RGL1: variants seen among roughly 807,000 people sequenced by gnomAD.
The protein encoded by RGL1 is ral guanine nucleotide dissociation stimulator-like 1.
In RGL1, 24 loss-of-function variants were observed where a neutral mutation model predicts 95.2. The observed-to-expected ratio is 0.25, with a 90% confidence interval of 0.18 to 0.35. The LOEUF (loss-of-function observed/expected upper bound fraction) is 0.35. RGL1 is among the 10% of genes least tolerant of loss of function. The pLI, the probability that RGL1 is intolerant of heterozygous loss-of-function variation, is 1.00. For missense variants in RGL1, 715 were observed against 936.3 expected (o/e 0.76, Z 3.08); for synonymous variants, 329 against 344.9 (o/e 0.95, Z 0.51).
At chr1:183,872,246 T>C (rs371475614) in intron 4 of RGL1, among the ~76,000 whole-genome samples, 27 of 152,334 alleles carry the variant, frequency 1.8e-4, no homozygotes, top group African/African-American at 6.5e-4. Flanking sequence ...AGAAGGGATA[T>C]TAACCATATA....
At chr1:183,818,983 A>G (rs1662271719) in intron 2 of RGL1, among the ~76,000 whole-genome samples, 2 of 152,208 alleles carry the variant, frequency 1.3e-5, no homozygotes, top group African/African-American at 4.8e-5. Flanking sequence ...AGTAACCTTT[A>G]TAGATGGGAT....
intron 2 of RGL1, among the ~76,000 whole-genome samples, chr1:183,792,544 A>G (rs1660486955): frequency 6.6e-6 from 1 of 152,152 alleles, no homozygotes; most frequent in South Asian, 2.1e-4. Context: ...CCCTCTTTGC[A>G]GACAACATGA....
intron 1 of RGL1, among the ~76,000 whole-genome samples, chr1:183,733,025 T>A (rs1413138704): frequency 1.3e-5 from 2 of 152,190 alleles, no homozygotes; most frequent in African/African-American, 4.8e-5. Flanking sequence ...ATTCAACAGC[T>A]GCTTCTCCTC....
intron 1 of RGL1, among the ~76,000 whole-genome samples, chr1:183,692,154 G>T (rs1653982512): frequency 6.6e-6 from 1 of 152,032 alleles, no homozygotes; most frequent in Non-Finnish European, 1.5e-5. Context: ...CATATATGGA[G>T]ATATTTCAGA....
Position 183,805,220 on chromosome 1 carries a change from C to G in RGL1, c.-78C>G. ...GGGACCGGGGCGAGGCGCCGCGGGG[C>G]TGAGCCCAGCAGACATTGCGTTGGC... On this transcript the variant is annotated 5_prime_UTR_variant, in exon 1 of 18. Coordinates refer to ENST00000360851, the MANE Select transcript of RGL1 (RefSeq NM_001297671.3). The G allele has an allele frequency of 7.6e-6, 12 of 1,580,544 alleles. No homozygotes were observed. The South Asian group carries it at 1.2e-4, about 15-fold the overall frequency.
At chr1:183,704,060 C>A (rs573553311) in intron 1 of RGL1, among the ~76,000 whole-genome samples, 7 of 152,102 alleles carry the variant, frequency 4.6e-5, no homozygotes, top group African/African-American at 1.7e-4. Flanking sequence ...CCTTTTCTTC[C>A]GAGGATTAAA....
rs1179571598 is a variant in RGL1, at chr1:183,713,421, A to G, written c.-32-28705A>G. ...TAATGACCCTTTTGACTGAAACTTT[A>G]TCTTAAAAATTCCAGGATAAGGGAT... On this transcript the variant is annotated intron_variant, in intron 1 of 18. Coordinates refer to the RGL1 transcript ENST00000304685. 1.6e-4 allele frequency among the ~76,000 whole-genome samples: 18 copies of G among 114,478 alleles called. No individual in the cohort carries two copies. In the Admixed American group the frequency reaches 2.2e-3, roughly 14 times the overall value. The allele number at this position is 114,478 out of a possible 152,430, so 75.1% of individuals were successfully genotyped here. A position where few individuals can be genotyped will look rare whatever the true frequency, so the allele number is the denominator to read the frequency against.
intron 12 of RGL1, among the ~76,000 whole-genome samples, 156 bp downstream of exon 12, chr1:183,902,756 TC>T (rs1442986319): frequency 2.0e-5 from 3 of 152,092 alleles, no homozygotes; most frequent in Non-Finnish European, 4.4e-5. Flanking sequence ...CTATACATTA[TC>T]CCCCACTAGC....
In RGL1 at chr1:183,928,074, T is replaced by C. The variant is rs1044683728; in HGVS notation, c.*1782T>C. 1.3e-5 allele frequency: 2 copies of C among 152,488 alleles called. No individual in the cohort carries two copies. Among genetic ancestry groups the C allele is most frequent in the Non-Finnish European group, 2.9e-5 (2 of 68,010 alleles). The allele number at this position is 152,488 out of a possible 1,614,324, so 9.4% of individuals were successfully genotyped here. On this transcript the variant is annotated 3_prime_UTR_variant, in exon 18 of 18. Coordinates refer to ENST00000360851, the MANE Select transcript of RGL1 (RefSeq NM_001297671.3). The stretch of plus-strand genomic sequence containing the variant: ...TTTCAATCCCTGTTCGATTTGTGCT[T>C]CTGTGCTTGTAGGAGAGATGGCCAG...
chr1:183,639,220 GC>G (rs1249653951), intron 1 of RGL1, among the ~76,000 whole-genome samples: 1 of 150,986 alleles, frequency 6.6e-6, no homozygotes, highest in African/African-American at 2.4e-5. Flanking sequence ...GGCGGAGATG[GC>G]AGTGAGCTGA....
intron 1 of RGL1, among the ~76,000 whole-genome samples, chr1:183,701,531 A>G (rs1046001792): frequency 5.9e-5 from 9 of 152,172 alleles, no homozygotes; most frequent in Admixed American, 2.6e-4. Context: ...TATTAAATGG[A>G]TGGAATTCAA....
intron 2 of RGL1, among the ~76,000 whole-genome samples, chr1:183,795,769 G>A (rs998740414): frequency 1.4e-4 from 22 of 152,188 alleles, no homozygotes; most frequent in Non-Finnish European, 2.6e-4. Flanking sequence ...AATTAAAGTG[G>A]GCAGGAAAAT....
intron 7 of RGL1, among the ~76,000 whole-genome samples, chr1:183,888,213 C>A (rs1395971148): frequency 6.6e-6 from 1 of 152,078 alleles, no homozygotes; most frequent in East Asian, 1.9e-4. Flanking sequence ...ACTAGGAAAG[C>A]TGGAAACTAT....
intron 4 of RGL1, among the ~76,000 whole-genome samples, chr1:183,876,697 G>A (rs1477861236): frequency 6.6e-6 from 1 of 152,218 alleles, no homozygotes; most frequent in Non-Finnish European, 1.5e-5. Context: ...GATACCTCAA[G>A]GTATATGTAT....
chr1:183,807,671 A>G (rs1216578950), intron 2 of RGL1, among the ~76,000 whole-genome samples: 1 of 152,196 alleles, frequency 6.6e-6, no homozygotes, highest in Non-Finnish European at 1.5e-5. Context: ...GCTTCAGCTC[A>G]GGCCTTTCCT....
intron 1 of RGL1, among the ~76,000 whole-genome samples, chr1:183,650,111 C>G (rs1558133282): frequency 6.6e-6 from 1 of 152,178 alleles, no homozygotes; most frequent in Non-Finnish European, 1.5e-5. Context: ...CCATGTCCAG[C>G]CTTCCGTCAC....
At chr1:183,710,576 T>C (rs1441405056) in intron 1 of RGL1, among the ~76,000 whole-genome samples, 2 of 152,204 alleles carry the variant, frequency 1.3e-5, no homozygotes, top group African/African-American at 2.4e-5. Flanking sequence ...AAAAGAGGTT[T>C]AATTGACTCA....
At chr1:183,872,517 C>T (rs569191270) in intron 4 of RGL1, among the ~76,000 whole-genome samples, 48 of 152,300 alleles carry the variant, frequency 3.2e-4, no homozygotes, top group African/African-American at 8.7e-4. Flanking sequence ...TTGTTGAAAT[C>T]GTTCTGCTTT....
At chr1:183,822,901 T>A (rs1662588858) in intron 2 of RGL1, among the ~76,000 whole-genome samples, 1 of 152,208 alleles carries the variant, frequency 6.6e-6, no homozygotes, top group African/African-American at 2.4e-5. Flanking sequence ...TTTCCTGTTT[T>A]AGGGTCTTTT....
Sources: gnomAD v4.1 joint callset for allele counts (sites outside exome capture counted in the v4.1 genomes callset) on GRCh38, gnomAD v4.1.1 for gene constraint, MANE v1.5 for transcripts, NCBI Gene and HGNC (gene_info 2026-07-23, HGNC 2026-07-21) for gene names.